Variants in NME7 observed in about 807,000 individuals in gnomAD.
NME7 encodes the protein NME/NM23 family member 7, also known as nucleoside diphosphate kinase 7.
A neutral mutation model predicts 49.1 loss-of-function variants in NME7; 41 were observed. The observed-to-expected ratio is 0.83, with a 90% CI of 0.65 to 1.08. The LOEUF is 1.08. Among genes scored for constraint, NME7 ranks in the 50% least tolerant of loss-of-function variants. The pLI, the probability that NME7 is intolerant of heterozygous loss-of-function variation, is 0.00. For synonymous variants in NME7, 139 were observed against 150.6 expected, an observed-to-expected ratio of 0.92 and a Z score of 0.56; for missense variants, 423 against 463.4, an observed-to-expected ratio of 0.91 and a Z score of 0.80.
intron 1 of NME7, among the ~76,000 whole-genome samples, chr1:169,347,819 G>A (rs1653000723): frequency 6.6e-6 from 1 of 152,240 alleles, no homozygotes; most frequent in African/African-American, 2.4e-5. Flanking sequence ...ACTCATAATT[G>A]TGCAATGTCC....
chr1:169,353,241 T>C (rs558582285), intron 1 of NME7, among the ~76,000 whole-genome samples: 1 of 152,000 alleles, frequency 6.6e-6, no homozygotes, highest in African/African-American at 2.4e-5. Context: ...AACAAATCCA[T>C]ACATCTACAA....
At chr1:169,132,903 T>TCAGA (rs776518688) in intron 11 of NME7, 86 bp from the exon 12 acceptor site, 96 of 984,282 alleles carry the variant, frequency 9.8e-5, no homozygotes, top group Non-Finnish European at 1.4e-4. Flanking sequence ...GGTCAGGACT[T>TCAGA]CAGACACTGG....
intron 6 of NME7, among the ~76,000 whole-genome samples, chr1:169,291,566 G>C (rs1160402264): frequency 6.6e-6 from 1 of 151,896 alleles, no homozygotes; most frequent in Non-Finnish European, 1.5e-5. Context: ...ATGGGGTGAT[G>C]GGTGCAGCAA....
intron 1 of NME7, among the ~76,000 whole-genome samples, chr1:169,336,790 C>A (rs1407975307): frequency 1.3e-5 from 2 of 149,020 alleles, no homozygotes; most frequent in African/African-American, 5.0e-5. Flanking sequence ...GTATTTAAAT[C>A]CCTGAGCTAG....
At chr1:169,320,057 A>G (rs1157498856) in intron 3 of NME7, among the ~76,000 whole-genome samples, 1 of 152,194 alleles carries the variant, frequency 6.6e-6, no homozygotes, top group African/African-American at 2.4e-5. Context: ...TCATTCATAC[A>G]CATGCATACA....
intron 1 of NME7, among the ~76,000 whole-genome samples, chr1:169,325,594 A>G (rs1652031319): frequency 6.6e-6 from 1 of 152,150 alleles, no homozygotes; most frequent in South Asian, 2.1e-4. Flanking sequence ...TAAGCAAATA[A>G]AAGCATAGGG....
intron 11 of NME7, among the ~76,000 whole-genome samples, chr1:169,153,702 T>C (rs1282838533): frequency 1.3e-5 from 2 of 151,990 alleles, no homozygotes; most frequent in Non-Finnish European, 2.9e-5. Context: ...AACCCTCTAC[T>C]TTTCTTTTTC....
rs751123208 is a variant in NME7 at position 169,323,249 on chromosome 1, C to T, written c.146G>A (p.Arg49Gln). 7.2e-5 allele frequency: 116 copies of T among 1,601,788 alleles called. 1 individual carries two copies. The highest frequency in any genetic ancestry group is 6.2e-4 in the South Asian group (55 of 88,114). Residue 49 changes from arginine to glutamine, a missense_variant, in exon 3 of 12, where the codon CGG (arginine) becomes CAG (glutamine). Coordinates refer to ENST00000367811, the MANE Select transcript of NME7 (RefSeq NM_013330.5). ...DVKNHRTFLK[R>Q]TKYDNLHLED... is the part of the protein sequence containing the mutation. Reference sequence around the variant, plus strand: ...CAAGTGCAGGTTATCATATTTGGTCCGCTTTAAAAAGGTGCGATGATTCTT... The same window carrying T: ...CAAGTGCAGGTTATCATATTTGGTCTGCTTTAAAAAGGTGCGATGATTCTT...
chr1:169,258,038 C>G (rs1376093406), intron 7 of NME7, among the ~76,000 whole-genome samples: 1 of 133,076 alleles, frequency 7.5e-6, no homozygotes, highest in East Asian at 2.0e-4. Context: ...GTGTTTGTTT[C>G]TATTTTAAAA....
intron 10 of NME7, among the ~76,000 whole-genome samples, chr1:169,187,257 GGGTCTGCTT>G (rs1417947115): frequency 1.3e-5 from 2 of 152,010 alleles, no homozygotes; most frequent in Non-Finnish European, 2.9e-5. Flanking sequence ...GATGTCTATT[GGGTCTGCTT>G]GGTCCAGAGT....
At chr1:169,138,813 C>T (rs974983885) in intron 11 of NME7, among the ~76,000 whole-genome samples, 5 of 152,094 alleles carry the variant, frequency 3.3e-5, no homozygotes, top group Non-Finnish European at 5.9e-5. Flanking sequence ...GAGAAAATTC[C>T]CTTTTAAAAG....
chr1:169,253,184 C>T (rs1400294576), intron 7 of NME7, among the ~76,000 whole-genome samples: 5 of 150,414 alleles, frequency 3.3e-5, no homozygotes, highest in African/African-American at 1.2e-4. Flanking sequence ...TTGATTCTTC[C>T]TACCCATGAG....
At chr1:169,278,484 C>T (rs934710324) in intron 7 of NME7, among the ~76,000 whole-genome samples, 2 of 152,126 alleles carry the variant, frequency 1.3e-5, no homozygotes, top group African/African-American at 4.8e-5. Flanking sequence ...CGCATCGACT[C>T]CTGAGGCTTC....
chr1:169,230,225 A>G (rs1571309318), intron 10 of NME7, among the ~76,000 whole-genome samples: 1 of 152,280 alleles, frequency 6.6e-6, no homozygotes, highest in East Asian at 1.9e-4. Context: ...ATGCACTGTT[A>G]AATGTCCAAG....
At chr1:169,274,148 G>A (rs531879312) in intron 7 of NME7, among the ~76,000 whole-genome samples, 2 of 131,754 alleles carry the variant, frequency 1.5e-5, no homozygotes, top group East Asian at 2.0e-4. Flanking sequence ...ACTTTTTAAT[G>A]ATTGCCATTC....
intron 11 of NME7, among the ~76,000 whole-genome samples, chr1:169,157,510 A>G (rs1479852158): frequency 6.6e-6 from 1 of 152,148 alleles, no homozygotes; most frequent in Non-Finnish European, 1.5e-5. Flanking sequence ...TGCATACCAC[A>G]TATCTCAGGC....
chr1:169,204,937 G>T (rs1429484612), intron 10 of NME7, among the ~76,000 whole-genome samples: 1 of 151,888 alleles, frequency 6.6e-6, no homozygotes, highest in East Asian at 1.9e-4. Flanking sequence ...TTTCTTGAAG[G>T]TCATAAAACA....
At chr1:169,143,273 C>CTTTTTTTTTTTTTTTTT (rs71299493) in intron 11 of NME7, among the ~76,000 whole-genome samples, 1 of 98,178 alleles carries the variant, frequency 1.0e-5, no homozygotes, top group Non-Finnish European at 2.1e-5. Flanking sequence ...TCACCTCAGG[C>CTTTTTTTTTTTTTTTTT]TTTTTTTTTT....
intron 7 of NME7, chr1:169,286,013 G>A (rs1483975006): frequency 2.0e-5 from 3 of 151,988 alleles, no homozygotes; most frequent in African/African-American, 7.2e-5. Flanking sequence ...AACAACCTAA[G>A]TATCCAAATA....
Sources: gnomAD v4.1 joint callset for allele counts (sites outside exome capture counted in the v4.1 genomes callset) on GRCh38, gnomAD v4.1.1 for gene constraint, MANE v1.5 for transcripts, NCBI Gene and HGNC (gene_info 2026-07-23, HGNC 2026-07-21) for gene names.